TXLNB: variants seen among roughly 807,000 people sequenced by gnomAD.
TXLNB encodes the protein taxilin beta, also known as beta-taxilin.
A neutral mutation model predicts 57.4 loss-of-function variants in TXLNB; 37 were observed. The ratio of observed to expected loss-of-function variants is 0.64; its 90% CI spans 0.50 to 0.85. TXLNB has a LOEUF of 0.85. TXLNB is among the 40% of genes least tolerant of loss of function. The pLI is 0.00. For synonymous variants in TXLNB, 302 were observed against 309.6 expected (o/e 0.98, Z 0.26); for missense variants, 848 against 825.6 (o/e 1.03, Z -0.33).
chr6:139,275,476 T>G (rs1396678257), intron 3 of TXLNB, among the ~76,000 whole-genome samples: 6 of 152,216 alleles, frequency 3.9e-5, no homozygotes. Context: ...CATGAGGGAT[T>G]AGAGATTTTT....
chr6:139,293,193 G>A (rs375703453), upstream of TXLNB, among the ~76,000 whole-genome samples: 3 of 152,126 alleles, frequency 2.0e-5, no homozygotes, highest in South Asian at 4.1e-4. Context: ...CCGGGTTCAA[G>A]CGATTCTCCT....
chr6:139,213,162 A>G, the TXLNB span, among the ~76,000 whole-genome samples: 6 of 152,192 alleles, frequency 3.9e-5, no homozygotes, highest in African/African-American at 1.2e-4. Context: ...ACCCCAAATC[A>G]ACAGAATATA....
chr6:139,298,478 G>A, the TXLNB span, among the ~76,000 whole-genome samples: 1 of 152,138 alleles, frequency 6.6e-6, no homozygotes, highest in Non-Finnish European at 1.5e-5. Flanking sequence ...TTATTTTGCA[G>A]GAATATTGGA....
At chr6:139,286,605 T>G (rs915607675) in intron 2 of TXLNB, among the ~76,000 whole-genome samples, 1 of 152,190 alleles carries the variant, frequency 6.6e-6, no homozygotes, top group African/African-American at 2.4e-5. Context: ...TGTTAGGAAC[T>G]GGGCTGCACG....
At chr6:139,170,829 T>C in the TXLNB span, among the ~76,000 whole-genome samples, 106 of 152,150 alleles carry the variant, frequency 7.0e-4, no homozygotes, top group African/African-American at 2.4e-3. Flanking sequence ...GAAAGGGGTT[T>C]GAAAGGGGTG....
At chr6:139,196,612 C>T in the TXLNB span, among the ~76,000 whole-genome samples, 21 of 150,288 alleles carry the variant, frequency 1.4e-4, no homozygotes, top group Non-Finnish European at 2.5e-4. Context: ...CTGACTTCGG[C>T]GATCCACCTG....
At chr6:139,224,513 A>G in the TXLNB span, among the ~76,000 whole-genome samples, 6 of 151,938 alleles carry the variant, frequency 3.9e-5, no homozygotes, top group African/African-American at 1.4e-4. Flanking sequence ...GAACATTGTA[A>G]TTGATAGCGT....
chr6:139,265,426 ATGTG>A (rs533300015), intron 4 of TXLNB, among the ~76,000 whole-genome samples: 4 of 150,066 alleles, frequency 2.7e-5, no homozygotes, highest in South Asian at 2.1e-4. Context: ...GTGAGGTTGT[ATGTG>A]TGTGTGTGTG....
At chr6:139,318,100 C>T in the TXLNB span, among the ~76,000 whole-genome samples, 3 of 151,108 alleles carry the variant, frequency 2.0e-5, no homozygotes, top group Admixed American at 6.6e-5. Context: ...AAACCCCGTC[C>T]CTACTAAAAA....
the TXLNB span, among the ~76,000 whole-genome samples, chr6:139,309,561 G>A: frequency 6.6e-6 from 1 of 152,062 alleles, no homozygotes; most frequent in Non-Finnish European, 1.5e-5. Flanking sequence ...AGTCAATATT[G>A]CCTCTTGTCC....
chr6:139,159,353 T>G, the TXLNB span: 1 of 152,148 alleles, frequency 6.6e-6, no homozygotes, highest in South Asian at 2.1e-4. Context: ...TAATCAGCGA[T>G]CTAATAAAAC....
At chr6:139,289,179 G>A (rs1001622966) in intron 1 of TXLNB, among the ~76,000 whole-genome samples, 2 of 152,128 alleles carry the variant, frequency 1.3e-5, no homozygotes, top group African/African-American at 2.4e-5. Flanking sequence ...GCCTGGTGCC[G>A]CGCCCTGAGC....
At chr6:139,286,194 C>T (rs554928436) in intron 2 of TXLNB, among the ~76,000 whole-genome samples, 3 of 150,278 alleles carry the variant, frequency 2.0e-5, no homozygotes, top group Admixed American at 6.6e-5. Flanking sequence ...CTACCTTGGT[C>T]AGAAGAGAGT....
upstream of TXLNB, among the ~76,000 whole-genome samples, chr6:139,293,293 T>C (rs1777337184): frequency 1.3e-5 from 2 of 152,098 alleles, no homozygotes; most frequent in South Asian, 4.1e-4. Flanking sequence ...GGTTTCGCTG[T>C]GTTGGCTAGG....
chr6:139,181,993 A>G, the TXLNB span, among the ~76,000 whole-genome samples: 2 of 152,204 alleles, frequency 1.3e-5, no homozygotes, highest in East Asian at 1.9e-4. Flanking sequence ...GCCTGTAACA[A>G]TTTTCATCAT....
chr6:139,206,276 A>G, the TXLNB span, among the ~76,000 whole-genome samples: 14 of 152,204 alleles, frequency 9.2e-5, no homozygotes, highest in Non-Finnish European at 1.6e-4. Context: ...ATGATAAAAA[A>G]CAAGGTATTT....
At chr6:139,308,689 A>C in the TXLNB span, among the ~76,000 whole-genome samples, 3 of 152,332 alleles carry the variant, frequency 2.0e-5, no homozygotes, top group African/African-American at 7.2e-5. Context: ...TATCACCCAG[A>C]GATCTTAGAT....
the TXLNB span, among the ~76,000 whole-genome samples, chr6:139,181,290 G>A: frequency 1.1e-4 from 17 of 152,314 alleles, no homozygotes; most frequent in African/African-American, 3.6e-4. Context: ...GCTGTTTTGC[G>A]TTCTGCAGTT....
intron 6 of TXLNB, among the ~76,000 whole-genome samples, chr6:139,259,835 G>A (rs1464118378): frequency 6.6e-6 from 1 of 152,190 alleles, no homozygotes; most frequent in Non-Finnish European, 1.5e-5. Context: ...AGAAAGTAGT[G>A]TAGACATAGT....
Sources: allele counts gnomAD v4.1 joint callset (sites outside exome capture counted in the v4.1 genomes callset), GRCh38; gene constraint gnomAD v4.1.1; transcripts MANE v1.5; gene names NCBI Gene and HGNC (gene_info 2026-07-23, HGNC 2026-07-21).